CREBRF: variants seen among roughly 807,000 people sequenced by gnomAD.
CREBRF encodes the protein UPF0474 protein C5orf41.
A neutral mutation model predicts 66.1 loss-of-function variants in CREBRF; 5 were observed. The ratio of observed to expected loss-of-function variants is 0.08; its 90% CI spans 0.04 to 0.16. The LOEUF (loss-of-function observed/expected upper bound fraction) is 0.16, where lower values mean the gene tolerates loss of function less well. Ranked by LOEUF, CREBRF falls within the 10% of genes least tolerant of loss-of-function variation. The pLI is 1.00. For synonymous variants in CREBRF, 229 were observed against 264.4 expected (o/e 0.87, Z 1.30); for missense variants, 531 against 744.9 (o/e 0.71, Z 3.34).
chr5:173,083,005 T>G (rs1487273092), intron 2 of CREBRF, among the ~76,000 whole-genome samples: 1 of 142,492 alleles, frequency 7.0e-6, no homozygotes, highest in African/African-American at 2.6e-5. Flanking sequence ...GACAGGCTGA[T>G]CACTTGAGGT....
chr5:173,112,228 A>T (rs1268676103), intron 6 of CREBRF, 78 bp from the exon 7 acceptor site: 1 of 1,010,832 alleles, frequency 9.9e-7, no homozygotes, highest in East Asian at 2.8e-5. Flanking sequence ...ACATAGCGAG[A>T]CCCCTTCTCC....
intron 1 of CREBRF, among the ~76,000 whole-genome samples, chr5:173,071,853 G>A (rs1398097211): frequency 4.6e-5 from 7 of 151,566 alleles, no homozygotes; most frequent in South Asian, 2.1e-4. Flanking sequence ...CCAGGAGTTC[G>A]AGACCAGCCT....
intron 1 of CREBRF, among the ~76,000 whole-genome samples, chr5:173,072,742 CAA>C (rs975815528): frequency 5.9e-5 from 9 of 151,696 alleles, no homozygotes; most frequent in African/African-American, 1.9e-4. Context: ...CATAAGAACT[CAA>C]GAGAGGGAGA....
intron 2 of CREBRF, among the ~76,000 whole-genome samples, chr5:173,084,181 TGG>T (rs1758055277): frequency 6.6e-6 from 1 of 152,128 alleles, no homozygotes; most frequent in Admixed American, 6.5e-5. Context: ...GAGCACCAGA[TGG>T]GGAACATGTT....
chr5:173,126,090 CTG>C (rs1366015198), intron 8 of CREBRF, among the ~76,000 whole-genome samples: 3 of 152,120 alleles, frequency 2.0e-5, no homozygotes, highest in Admixed American at 6.6e-5. Flanking sequence ...TGGACCATCT[CTG>C]TTTCATATCT....
intron 1 of CREBRF, among the ~76,000 whole-genome samples, chr5:173,058,786 CTTT>C (rs70984932): frequency 2.0e-4 from 13 of 64,088 alleles, no homozygotes; most frequent in African/African-American, 2.8e-4. Context: ...CGCCCAGCCT[CTTT>C]TTTTTTTTTT....
At chr5:173,111,255 T>C (rs1216381765) in intron 6 of CREBRF, among the ~76,000 whole-genome samples, 1 of 152,170 alleles carries the variant, frequency 6.6e-6, no homozygotes, top group Non-Finnish European at 1.5e-5. Flanking sequence ...ACTGTATGTA[T>C]GTAGCCTTTG....
chr5:173,089,195 A>C (rs951309003), intron 3 of CREBRF, among the ~76,000 whole-genome samples: 10 of 150,094 alleles, frequency 6.7e-5, no homozygotes, highest in Non-Finnish European at 8.9e-5. Flanking sequence ...AAAAAACAAA[A>C]AAAAAAACCC....
intron 8 of CREBRF, among the ~76,000 whole-genome samples, chr5:173,132,040 A>G (rs1759440703): frequency 6.7e-6 from 1 of 148,218 alleles, no homozygotes; most frequent in African/African-American, 2.5e-5. Flanking sequence ...AGTATTTTTT[A>G]TGATATCTTT....
At chr5:173,122,873 T>G (rs1759174314) in intron 7 of CREBRF, among the ~76,000 whole-genome samples, 1 of 149,508 alleles carries the variant, frequency 6.7e-6, no homozygotes, top group Non-Finnish European at 1.5e-5. Flanking sequence ...CTTGCGATAG[T>G]TTACTGAGAA....
intron 8 of CREBRF, among the ~76,000 whole-genome samples, chr5:173,125,087 T>C (rs978260907): frequency 1.3e-5 from 2 of 151,956 alleles, no homozygotes; most frequent in African/African-American, 4.8e-5. Context: ...CCTGGCTAAT[T>C]TTTGTATTTT....
At chr5:173,062,315 C>T (rs1432887888) in intron 1 of CREBRF, among the ~76,000 whole-genome samples, 1 of 152,224 alleles carries the variant, frequency 6.6e-6, no homozygotes, top group Non-Finnish European at 1.5e-5. Context: ...TGCCTGATAC[C>T]TTTTAGTGCT....
rs748323611 is a variant in CREBRF at position 173,134,265 on chromosome 5, A to AATATATATATATAT, written c.*532_*545dup. The AATATATATATATAT allele has an allele frequency of 7.2e-6, 1 of 139,244 alleles. No individual in the cohort carries two copies. The highest frequency in any genetic ancestry group is 7.2e-5 in the Admixed American group (1 of 13,794). The allele number at this position is 139,244 out of a possible 1,614,324, so 8.6% of individuals were successfully genotyped here. ...GTCAGAGCTCAAGATGATATATATA[A>AATATATATATATAT]ATATATATATATATATATATATATA... On this transcript the variant is annotated 3_prime_UTR_variant, in exon 9 of 9. Transcript: ENST00000296953.
At chr5:173,107,800 A>G (rs1758781709) in intron 4 of CREBRF, among the ~76,000 whole-genome samples, 1 of 147,886 alleles carries the variant, frequency 6.8e-6, no homozygotes, top group Non-Finnish European at 1.5e-5. Context: ...ACATAGTGAG[A>G]CCTCTGTCTC....
At chr5:173,105,225 A>ATGTGTGTGTGTGTG (rs34768667) in intron 4 of CREBRF, among the ~76,000 whole-genome samples, 2 of 146,546 alleles carry the variant, frequency 1.4e-5, no homozygotes, top group South Asian at 4.3e-4. Context: ...GTGTGTATAT[A>ATGTGTGTGTGTGTG]TGTGTGTGTG....
rs574640586 is a variant in CREBRF, at chr5:173,085,889, A to G, written c.10-612A>G. 6 of 864,578 alleles carry G rather than the reference A, an allele frequency of 6.9e-6. No individual in the cohort carries two copies. The African/African-American group carries it at 8.2e-5, about 12-fold the overall frequency. 53.6% of individuals were successfully genotyped at this position (864,578 alleles called of 1,614,324 possible). A position where few individuals can be genotyped will look rare whatever the true frequency, so the allele number is the denominator to read the frequency against. ...ATCTCTGAGATCAGTTTGGGTCCCA[A>G]CAAGCAAGAAAGGAGTCTTTGGGAC... On this transcript the variant is annotated intron_variant, in intron 2 of 8. Transcript: ENST00000296953.
chr5:173,122,081 G>A (rs982418750), intron 7 of CREBRF, among the ~76,000 whole-genome samples: 1 of 152,066 alleles, frequency 6.6e-6, no homozygotes, highest in African/African-American at 2.4e-5. Flanking sequence ...TTTTGTTGTT[G>A]TTGTTGTTGT....
At chr5:173,107,635 A>T (rs1340841531) in intron 4 of CREBRF, among the ~76,000 whole-genome samples, 1 of 152,098 alleles carries the variant, frequency 6.6e-6, no homozygotes, top group East Asian at 1.9e-4. Context: ...GAAGAAAACT[A>T]ATGCTGCCAC....
At chr5:173,122,675 G>A (rs1445166628) in intron 7 of CREBRF, among the ~76,000 whole-genome samples, 1 of 145,066 alleles carries the variant, frequency 6.9e-6, no homozygotes, top group African/African-American at 2.5e-5. Flanking sequence ...GTATACATGT[G>A]CCATGCTGGT....
Sources: gnomAD v4.1 joint callset for allele counts (sites outside exome capture counted in the v4.1 genomes callset) on GRCh38, gnomAD v4.1.1 for gene constraint, MANE v1.5 for transcripts, NCBI Gene and HGNC (gene_info 2026-07-23, HGNC 2026-07-21) for gene names.